RBM5: variants seen among roughly 807,000 people sequenced by gnomAD.
RBM5 encodes the protein RNA binding motif protein 5.
Under a neutral mutation model 124.6 loss-of-function variants are expected in RBM5, and 15 were observed. The observed-to-expected ratio is 0.12, with a 90% CI of 0.08 to 0.19. The LOEUF is 0.19. RBM5 is among the 10% of genes least tolerant of loss of function. RBM5 has a pLI of 1.00. For missense variants in RBM5, 580 were observed against 1,026.5 expected (o/e 0.57, Z 5.94); for synonymous variants, 337 against 361.2 (o/e 0.93, Z 0.76).
At chr3:50,113,360 G>T in intron 17 of RBM5, 23 bp from the exon 18 acceptor site, 1 of 1,591,396 alleles carries the variant, frequency 6.3e-7, no homozygotes, top group Non-Finnish European at 8.6e-7. Context: ...TGCATTAATT[G>T]TTTTTTGTTT....
intron 9 of RBM5, 35 bp from the exon 10 acceptor site, chr3:50,105,514 T>A: frequency 6.2e-7 from 1 of 1,600,696 alleles, no homozygotes; most frequent in African/African-American, 1.3e-5. Context: ...GTGGTGGGAA[T>A]GCATGTGTAT....
At chr3:50,098,674 C>T (rs1288283349) in intron 4 of RBM5, among the ~76,000 whole-genome samples, 1 of 151,968 alleles carries the variant, frequency 6.6e-6, no homozygotes, top group Non-Finnish European at 1.5e-5. Flanking sequence ...CATCTCTTGA[C>T]CTCGTGATCC....
At chr3:50,097,898 G>A (rs1418182686) in intron 4 of RBM5, among the ~76,000 whole-genome samples, 1 of 152,122 alleles carries the variant, frequency 6.6e-6, no homozygotes, top group Non-Finnish European at 1.5e-5. Context: ...CCCAAGAGAT[G>A]GAGACCAGCC....
At chr3:50,103,510 C>T (rs1364967703) in intron 7 of RBM5, among the ~76,000 whole-genome samples, 1 of 152,012 alleles carries the variant, frequency 6.6e-6, no homozygotes, top group African/African-American at 2.4e-5. Flanking sequence ...AGCTGGGCAT[C>T]ACGGTGCGCG....
At chr3:50,094,950 C>T (rs1418913044) in intron 4 of RBM5, among the ~76,000 whole-genome samples, 1 of 152,148 alleles carries the variant, frequency 6.6e-6, no homozygotes, top group Non-Finnish European at 1.5e-5. Context: ...TAATCCCAGG[C>T]ACTTTGGGAG....
At chr3:50,116,083 T>A in intron 22 of RBM5, 103 bp downstream of exon 22, 9 of 1,106,302 alleles carry the variant, frequency 8.1e-6, no homozygotes, top group South Asian at 1.3e-5. Context: ...GGTAGGAGGA[T>A]TTGTCATACC....
At chr3:50,115,793 T>C (rs989276967) in intron 21 of RBM5, 113 bp from the exon 22 acceptor site, 151 of 1,211,086 alleles carry the variant, frequency 1.2e-4, no homozygotes, top group East Asian at 9.3e-4. Context: ...TTTTATGTGA[T>C]TGTGTATTGT....
intron 4 of RBM5, 56 bp from the exon 5 acceptor site, chr3:50,099,925 AT>A: frequency 6.9e-7 from 1 of 1,452,684 alleles, no homozygotes; most frequent in Non-Finnish European, 9.4e-7. Context: ...TTCCTATTCC[AT>A]GGGGAATAGT....
At chr3:50,098,353 G>A (rs1169522646) in intron 4 of RBM5, among the ~76,000 whole-genome samples, 2 of 151,788 alleles carry the variant, frequency 1.3e-5, no homozygotes, top group South Asian at 2.1e-4. Context: ...TTGTAACCTC[G>A]AACTCCTGGG....
chr3:50,112,348 G>C (rs922743353), intron 17 of RBM5, among the ~76,000 whole-genome samples: 1 of 149,114 alleles, frequency 6.7e-6, no homozygotes, highest in Non-Finnish European at 1.5e-5. Context: ...CCCGGGAGGT[G>C]GAGCTGGCAG....
intron 4 of RBM5, among the ~76,000 whole-genome samples, chr3:50,097,227 C>T (rs2090835668): frequency 6.6e-6 from 1 of 152,026 alleles, no homozygotes; most frequent in African/African-American, 2.4e-5. Flanking sequence ...AACCCTGTCT[C>T]TACTAAAACT....
chr3:50,114,212 A>T lies in RBM5; in HGVS notation c.1800A>T (p.Pro600=). The T allele has an allele frequency of 1.2e-6, 2 of 1,612,490 alleles. No homozygotes were observed. The highest frequency in any genetic ancestry group is 1.7e-6 in the Non-Finnish European group (2 of 1,179,638). ...GALAERQQLI[P]ELVRNGDEEN... is the part of the protein sequence containing the mutation. ...TAGCTGAAAGGCAGCAGCTCATCCC[A>T]GAATTGGTGCGAAATGGAGATGAGG... Residue 600 remains proline, a synonymous_variant, in exon 20 of 25, where the codon CCA becomes CCT. Transcript: ENST00000347869.
intron 17 of RBM5, 76 bp downstream of exon 17, chr3:50,110,846 T>C (rs2091130579): frequency 1.1e-5 from 13 of 1,185,632 alleles, no homozygotes; most frequent in Non-Finnish European, 1.3e-5. Context: ...TAAAATGAAA[T>C]ATTTCCTGCA....
At chr3:50,115,638 G>A (rs1004341341) in intron 21 of RBM5, 31 bp downstream of exon 21, 9 of 1,575,136 alleles carry the variant, frequency 5.7e-6, no homozygotes, top group Non-Finnish European at 7.7e-6. Context: ...ATCTGAGGGG[G>A]CGAGGGGAGG....
rs1019737278 is a variant in RBM5 at position 50,088,964 on chromosome 3, GC to G, written c.-117del. 6.6e-6 allele frequency: 1 copy of G among 152,300 alleles called. No individual in the cohort carries two copies. The highest frequency in any genetic ancestry group is 1.5e-5 in the Non-Finnish European group (1 of 68,116). The allele number at this position is 152,300 out of a possible 1,614,324, so 9.4% of individuals were successfully genotyped here. ...GTCGGCGGAGGCGCCATTTTGTGTAGCCGCCGAACCTTGTTGGAGGTTCTGG... is the reference window on the plus strand; with the variant it reads ...GTCGGCGGAGGCGCCATTTTGTGTAGCGCCGAACCTTGTTGGAGGTTCTGG... On this transcript the variant is annotated 5_prime_UTR_variant, in exon 1 of 25. Coordinates refer to ENST00000347869, the MANE Select transcript of RBM5 (RefSeq NM_005778.4).
At chr3:50,116,135 C>A in intron 22 of RBM5, 155 bp downstream of exon 22, 1 of 662,132 alleles carries the variant, frequency 1.5e-6, no homozygotes. Flanking sequence ...CTAGACCCAG[C>A]CTCTGTGTGC....
intron 21 of RBM5, 143 bp from the exon 22 acceptor site, chr3:50,115,763 C>G: frequency 8.4e-7 from 1 of 1,183,874 alleles, no homozygotes; most frequent in East Asian, 2.4e-5. Context: ...CTGGCAGCTC[C>G]ACACACATCA....
rs766336512 is a variant in RBM5, at chr3:50,117,225, G to A, written c.2193-25G>A. 2.5e-6 allele frequency: 4 copies of A among 1,614,172 alleles called. No homozygotes were observed. The South Asian group carries it at 4.4e-5, about 18-fold the overall frequency. On this transcript the variant is annotated intron_variant, in intron 23 of 24. Coordinates refer to ENST00000347869, the MANE Select transcript of RBM5 (RefSeq NM_005778.4). The surrounding 1 kb of genome is among the most constrained non-coding windows in gnomAD (Gnocchi z 4.2). ...TAAGCTGGGGCCCTGGCTGTTTTAAGTAACTGTGTGTTTGCCACTGGCAGG... is the reference window on the plus strand; with the variant it reads ...TAAGCTGGGGCCCTGGCTGTTTTAAATAACTGTGTGTTTGCCACTGGCAGG...
In RBM5 at chr3:50,100,504, C is replaced by T; in HGVS notation, c.410-28C>T. On this transcript the variant is annotated intron_variant, in intron 5 of 24. Transcript: ENST00000347869. The surrounding 1 kb of genome is among the most constrained non-coding windows in gnomAD (Gnocchi z 5.1). ...TAAAGGAACTGACTAACACAAGTATCCCGTCTATATCTGAATGCTGTCTCT... is the reference window on the plus strand; with the variant it reads ...TAAAGGAACTGACTAACACAAGTATTCCGTCTATATCTGAATGCTGTCTCT... 6.4e-7 allele frequency: 1 copy of T among 1,570,864 alleles called. No individual in the cohort carries two copies. The highest frequency in any genetic ancestry group is 2.2e-5 in the East Asian group (1 of 44,636).
Sources: allele counts gnomAD v4.1 joint callset (sites outside exome capture counted in the v4.1 genomes callset), GRCh38; gene constraint gnomAD v4.1.1; non-coding constraint Gnocchi (gnomAD v3.1); transcripts MANE v1.5; gene names NCBI Gene and HGNC (gene_info 2026-07-23, HGNC 2026-07-21).